The following GMDS variants were observed in gnomAD, a reference collection of about 807,000 sequenced individuals.
GMDS encodes the protein GDP-mannose 4,6-dehydratase, also known as GDP-mannose 4,6 dehydratase.
GMDS carries 20 observed loss-of-function variants against 49.9 expected under a neutral mutation model. The ratio of observed to expected loss-of-function variants is 0.40; its 90% CI spans 0.28 to 0.58. The LOEUF (loss-of-function observed/expected upper bound fraction) is 0.58. Ranked by LOEUF, GMDS falls within the 20% of genes least tolerant of loss-of-function variation. The pLI is 0.42. For synonymous variants in GMDS, 177 were observed against 178.6 expected (o/e 0.99, Z 0.07); for missense variants, 362 against 481.4 (o/e 0.75, Z 2.32).
At chr6:1,743,849 A>AG (rs1767383018) in intron 7 of GMDS, among the ~76,000 whole-genome samples, 1 of 151,740 alleles carries the variant, frequency 6.6e-6, no homozygotes, top group Admixed American at 6.6e-5. Context: ...ACAAAAAAAA[A>AG]TCAATCTCTA....
intron 6 of GMDS, among the ~76,000 whole-genome samples, chr6:1,943,864 G>A (rs1762932400): frequency 6.6e-6 from 1 of 152,116 alleles, no homozygotes; most frequent in Non-Finnish European, 1.5e-5. Context: ...GATGTGAGAA[G>A]GATAAAAACT....
intron 4 of GMDS, among the ~76,000 whole-genome samples, chr6:1,971,141 G>C (rs1764587314): frequency 6.6e-6 from 1 of 152,130 alleles, no homozygotes. Context: ...AATGTAAGTA[G>C]AAGCTATTCT....
chr6:2,211,012 C>T (rs1780038834), intron 1 of GMDS, among the ~76,000 whole-genome samples: 1 of 152,176 alleles, frequency 6.6e-6, no homozygotes, highest in Admixed American at 6.5e-5. Flanking sequence ...GATGTGCTTG[C>T]TTCTCCTTCG....
chr6:2,168,753 G>A (rs113464058), intron 1 of GMDS, among the ~76,000 whole-genome samples: 5 of 152,130 alleles, frequency 3.3e-5, no homozygotes, highest in African/African-American at 1.2e-4. Flanking sequence ...TAAGGACTCT[G>A]TTTCTAAACA....
chr6:1,781,525 C>T (rs1175128082), intron 7 of GMDS, among the ~76,000 whole-genome samples: 3 of 152,224 alleles, frequency 2.0e-5, no homozygotes, highest in Non-Finnish European at 4.4e-5. Context: ...AGCTTGAGTG[C>T]CTGCGTGTGA....
At chr6:2,118,241 T>G (rs1481602490) in intron 2 of GMDS, among the ~76,000 whole-genome samples, 4 of 152,190 alleles carry the variant, frequency 2.6e-5, no homozygotes, top group Non-Finnish European at 5.9e-5. Flanking sequence ...CATACTTGCC[T>G]GATATTGAAG....
intron 7 of GMDS, among the ~76,000 whole-genome samples, chr6:1,847,948 G>A (rs1375314479): frequency 6.6e-6 from 1 of 152,108 alleles, no homozygotes; most frequent in Non-Finnish European, 1.5e-5. Flanking sequence ...TGAAAGAGAA[G>A]TATAAGACAC....
At chr6:1,768,472 T>A (rs1768446403) in intron 7 of GMDS, among the ~76,000 whole-genome samples, 1 of 152,216 alleles carries the variant, frequency 6.6e-6, no homozygotes, top group Admixed American at 6.5e-5. Flanking sequence ...CAAACTTGGG[T>A]ACATACCTTA....
chr6:2,094,733 T>A (rs185482614), intron 4 of GMDS, among the ~76,000 whole-genome samples: 6 of 152,220 alleles, frequency 3.9e-5, no homozygotes, highest in Admixed American at 3.9e-4. Flanking sequence ...GGAAGACTTT[T>A]CTCACCAGAA....
At chr6:2,071,397 C>T (rs780817038) in intron 4 of GMDS, among the ~76,000 whole-genome samples, 53 of 152,102 alleles carry the variant, frequency 3.5e-4, no homozygotes, top group Non-Finnish European at 6.9e-4. Flanking sequence ...AGAGTTTGTC[C>T]TGTGTGAGAC....
chr6:2,243,704 T>C (rs1781718483), intron 1 of GMDS, among the ~76,000 whole-genome samples: 1 of 152,134 alleles, frequency 6.6e-6, no homozygotes, highest in African/African-American at 2.4e-5. Context: ...CACCTCTTAC[T>C]AGTTTTCAAA....
chr6:1,886,445 T>C (rs775501561), intron 7 of GMDS, among the ~76,000 whole-genome samples: 16 of 152,200 alleles, frequency 1.1e-4, no homozygotes, highest in Non-Finnish European at 2.1e-4. Context: ...TATTAAGACA[T>C]TTCATTTACA....
intron 9 of GMDS, among the ~76,000 whole-genome samples, chr6:1,681,373 A>G (rs1381729735): frequency 2.6e-5 from 4 of 152,152 alleles, no homozygotes; most frequent in East Asian, 3.9e-4. Context: ...TGCATTTTCA[A>G]TCTGCTGTGT....
At chr6:1,862,951 G>C (rs1758263444) in intron 7 of GMDS, among the ~76,000 whole-genome samples, 2 of 152,108 alleles carry the variant, frequency 1.3e-5, no homozygotes, top group Non-Finnish European at 2.9e-5. Flanking sequence ...AATTGGATAA[G>C]TTAAATACTA....
chr6:1,997,804 A>G (rs1263576270), intron 4 of GMDS, among the ~76,000 whole-genome samples: 1 of 152,164 alleles, frequency 6.6e-6, no homozygotes, highest in Non-Finnish European at 1.5e-5. Context: ...AACTACCCAC[A>G]TTGATCAGTT....
intron 7 of GMDS, among the ~76,000 whole-genome samples, chr6:1,832,897 T>C (rs571248651): frequency 6.6e-6 from 1 of 152,272 alleles, no homozygotes; most frequent in South Asian, 2.1e-4. Context: ...CGATGAACTT[T>C]ATCAGGCTGC....
At chr6:1,802,918 C>T (rs988163463) in intron 7 of GMDS, among the ~76,000 whole-genome samples, 2 of 152,266 alleles carry the variant, frequency 1.3e-5, no homozygotes, top group Middle Eastern at 3.4e-3. Context: ...GCTCAAAGTG[C>T]ACTTCCTTGG....
intron 1 of GMDS, among the ~76,000 whole-genome samples, chr6:2,199,169 AC>A (rs908836742): frequency 6.6e-6 from 1 of 152,154 alleles, no homozygotes; most frequent in Non-Finnish European, 1.5e-5. Flanking sequence ...AGACTAATTT[AC>A]CTTTTGTTTT....
intron 9 of GMDS, among the ~76,000 whole-genome samples, chr6:1,688,767 T>G (rs1371318902): frequency 1.3e-5 from 2 of 152,212 alleles, no homozygotes; most frequent in African/African-American, 4.8e-5. Context: ...CTAACACTTG[T>G]GAGGTATATG....
Sources: gnomAD v4.1 joint callset for allele counts (sites outside exome capture counted in the v4.1 genomes callset) on GRCh38, gnomAD v4.1.1 for gene constraint, MANE v1.5 for transcripts, NCBI Gene and HGNC (gene_info 2026-07-23, HGNC 2026-07-21) for gene names.